The following SLC15A1 variants were observed in gnomAD, a reference collection of about 807,000 sequenced individuals.
SLC15A1 encodes the protein solute carrier family 15 member 1.
In SLC15A1, 83 loss-of-function variants were observed where a neutral mutation model predicts 92.9. The ratio of observed to expected loss-of-function variants is 0.89; its 90% CI spans 0.75 to 1.07. The LOEUF (loss-of-function observed/expected upper bound fraction) is 1.07, where lower values mean the gene tolerates loss of function less well. SLC15A1 is among the 50% of genes least tolerant of loss of function. SLC15A1 has a pLI of 0.00. For synonymous variants in SLC15A1, 322 were observed against 318.2 expected, an observed-to-expected ratio of 1.01 and a Z score of -0.13; for missense variants, 857 against 880.1, an observed-to-expected ratio of 0.97 and a Z score of 0.33.
At position 98,730,526 on chromosome 13, in the gene SLC15A1, G is replaced by GT. The variant is rs559882141; in HGVS notation, c.5-3668dup. ...GCCATGGAGTCAGCCCTGCGGCCGA[G>GT]TTTCATGCTGGGACCTGCCAGCTGC... On this transcript the variant is annotated intron_variant, in intron 1 of 22. Transcript: ENST00000376503. Among the ~76,000 whole-genome samples the GT allele has an allele frequency of 2.0e-5, 3 of 152,304 alleles. No homozygotes were observed. In the South Asian group the frequency reaches 6.2e-4, roughly 32 times the overall value.
chr13:98,719,463 GC>G, intron 7 of SLC15A1, 143 bp from the exon 8 acceptor site: 1 of 552,786 alleles, frequency 1.8e-6, no homozygotes, highest in Non-Finnish European at 3.2e-6. Context: ...TGACATAATT[GC>G]CAGCTAAGTA....
chr13:98,702,228 T>A (rs180898627), intron 18 of SLC15A1, among the ~76,000 whole-genome samples: 1 of 152,224 alleles, frequency 6.6e-6, no homozygotes, highest in African/African-American at 2.4e-5. Flanking sequence ...GTTTTTGTCA[T>A]GAATGGATGC....
intron 1 of SLC15A1, among the ~76,000 whole-genome samples, chr13:98,744,965 C>A (rs1327046262): frequency 6.6e-6 from 1 of 151,938 alleles, no homozygotes; most frequent in African/African-American, 2.4e-5. Context: ...TTTCAGTCTT[C>A]TAATTTTAGA....
chr13:98,741,101 G>T (rs1329930807), intron 1 of SLC15A1, among the ~76,000 whole-genome samples: 1 of 152,166 alleles, frequency 6.6e-6, no homozygotes, highest in Admixed American at 6.5e-5. Context: ...GATTAGAAAA[G>T]TGTGGGCTTC....
chr13:98,733,894 A>G (rs1405031566), intron 1 of SLC15A1, among the ~76,000 whole-genome samples: 1 of 152,204 alleles, frequency 6.6e-6, no homozygotes, highest in Non-Finnish European at 1.5e-5. Flanking sequence ...ATTGAATCAC[A>G]GGGGTCTAGC....
chr13:98,746,863 G>C (rs2088497006), intron 1 of SLC15A1, among the ~76,000 whole-genome samples: 1 of 152,140 alleles, frequency 6.6e-6, no homozygotes, highest in African/African-American at 2.4e-5. Flanking sequence ...TAGGAACCAG[G>C]AGAGGAACTA....
intron 18 of SLC15A1, among the ~76,000 whole-genome samples, chr13:98,690,721 G>A (rs779814949): frequency 3.9e-5 from 6 of 152,114 alleles, no homozygotes; most frequent in Non-Finnish European, 7.4e-5. Context: ...ACACCTAGAC[G>A]GTGCCACCCA....
chr13:98,688,459 T>TCGGTA lies in SLC15A1; in HGVS notation c.1574+6_1574+10dup. The TCGGTA allele has an allele frequency of 6.2e-7, 1 of 1,611,870 alleles. No individual in the cohort carries two copies. Among genetic ancestry groups the TCGGTA allele is most frequent in the Non-Finnish European group, 8.5e-7 (1 of 1,178,058 alleles). On this transcript the variant is annotated intron_variant, in intron 19 of 22. Coordinates refer to ENST00000376503, the MANE Select transcript of SLC15A1 (RefSeq NM_005073.4). ...GAACCTTTGAGTGAAGCATTCAGTC[T>TCGGTA]CGGTACTTACATGCCAGAAGGAAAA...
chr13:98,723,609 T>C lies in SLC15A1; in HGVS notation c.365+303A>G, dbSNP rs374353763. On this transcript the variant is annotated intron_variant, in intron 5 of 22. Coordinates refer to ENST00000376503, the MANE Select transcript of SLC15A1 (RefSeq NM_005073.4). ...TGAAGGATCAAGGTCTGTGGGACTT[T>C]ATATCCCTCCAGGGTAGGTCAAGAC... 9.2e-5 allele frequency among the ~76,000 whole-genome samples: 14 copies of C among 152,314 alleles called. No individual in the cohort carries two copies. In the East Asian group the frequency reaches 1.9e-3, roughly 21 times the overall value.
chr13:98,744,629 A>G (rs960036629), intron 1 of SLC15A1, among the ~76,000 whole-genome samples: 4 of 151,084 alleles, frequency 2.6e-5, no homozygotes, highest in African/African-American at 4.9e-5. Context: ...TGTGCCTGTA[A>G]TCCCAGCTAC....
chr13:98,721,785 G>T lies in SLC15A1; in HGVS notation c.465+19C>A. On this transcript the variant is annotated intron_variant, in intron 6 of 22. Transcript: ENST00000376503. ...GTGTAGTTCATTCACGTGGGCTCTG[G>T]GGAGGCCCCTACCCTTACCTGGCCC... is the stretch of plus-strand genomic sequence containing the variant. 6.2e-7 allele frequency: 1 copy of T among 1,608,314 alleles called. No homozygotes were observed. The highest frequency in any genetic ancestry group is 1.1e-5 in the South Asian group (1 of 90,774).
chr13:98,746,314 T>C (rs545206708), intron 1 of SLC15A1, among the ~76,000 whole-genome samples: 1 of 152,220 alleles, frequency 6.6e-6, no homozygotes, highest in African/African-American at 2.4e-5. Flanking sequence ...CTATTGTGAA[T>C]AGTGCTTCAG....
chr13:98,721,353 C>T, intron 7 of SLC15A1, 142 bp downstream of exon 7: 1 of 723,564 alleles, frequency 1.4e-6, no homozygotes, highest in Non-Finnish European at 2.6e-6. Context: ...GAAGCACTTA[C>T]TCCAGATTCC....
In SLC15A1 at chr13:98,707,891, T is replaced by TAAAA. The variant is rs745924829; in HGVS notation, c.1149+791_1149+794dup. ...CTAGGCGACAGAGTGAGACCCTGTT[T>TAAAA]AAAAAAAAAAAAAAAAAAAAAAAAA... On this transcript the variant is annotated intron_variant, in intron 15 of 22. Coordinates refer to ENST00000376503, the MANE Select transcript of SLC15A1 (RefSeq NM_005073.4). Among the ~76,000 whole-genome samples, 328 of 106,786 alleles carry TAAAA rather than the reference T, an allele frequency of 3.1e-3. 4 individuals are homozygous for TAAAA. Among genetic ancestry groups the TAAAA allele is most frequent in the African/African-American group, 0.012 (316 of 25,286 alleles). 70.1% of individuals were successfully genotyped at this position (106,786 alleles called of 152,430 possible). A position where few individuals can be genotyped will look rare whatever the true frequency, so the allele number is the denominator to read the frequency against.
chr13:98,714,653 CAA>C (rs11378347), intron 9 of SLC15A1, among the ~76,000 whole-genome samples: 1 of 94,364 alleles, frequency 1.1e-5, no homozygotes, highest in African/African-American at 4.2e-5. Context: ...GACTCCATCT[CAA>C]AAAAAAAAAA....
At position 98,684,579 on chromosome 13, in the gene SLC15A1, A is replaced by G; in HGVS notation, c.*145T>C. 2 of 505,866 alleles carry G rather than the reference A, an allele frequency of 4.0e-6. No homozygotes were observed. The highest frequency in any genetic ancestry group is 6.8e-6 in the Non-Finnish European group (2 of 293,376). 31.3% of individuals were successfully genotyped at this position (505,866 alleles called of 1,614,324 possible). ...AAAAAAAAAAAAAAAGAAAAGAAAA[A>G]GAAAAAAGAAAATAGCATTCATGGT... On this transcript the variant is annotated 3_prime_UTR_variant, in exon 23 of 23. Coordinates refer to ENST00000376503, the MANE Select transcript of SLC15A1 (RefSeq NM_005073.4).
intron 1 of SLC15A1, among the ~76,000 whole-genome samples, chr13:98,730,411 A>C (rs995653946): frequency 1.3e-5 from 2 of 152,130 alleles, no homozygotes; most frequent in African/African-American, 4.8e-5. Context: ...TTCTGGACAG[A>C]GATTCCTCCG....
chr13:98,721,755 T>G lies in SLC15A1; in HGVS notation c.465+49A>C. 2.6e-6 allele frequency: 4 copies of G among 1,555,240 alleles called. No individual in the cohort carries two copies. In the South Asian group the frequency reaches 3.4e-5, roughly 13 times the overall value. ...CTTTGTGCCCGTGGCCTCTGACTCCTGGATGTGTAGTTCATTCACGTGGGC... is the reference window on the plus strand; with the variant it reads ...CTTTGTGCCCGTGGCCTCTGACTCCGGGATGTGTAGTTCATTCACGTGGGC... On this transcript the variant is annotated intron_variant, in intron 6 of 22. Transcript: ENST00000376503.
At chr13:98,734,235 G>A (rs905725013) in intron 1 of SLC15A1, among the ~76,000 whole-genome samples, 2 of 152,166 alleles carry the variant, frequency 1.3e-5, no homozygotes, top group African/African-American at 2.4e-5. Flanking sequence ...AAAGTGCTGG[G>A]ATTATAGGCA....
Sources: gnomAD v4.1 joint callset for allele counts (sites outside exome capture counted in the v4.1 genomes callset) on GRCh38, gnomAD v4.1.1 for gene constraint, MANE v1.5 for transcripts, NCBI Gene and HGNC (gene_info 2026-07-23, HGNC 2026-07-21) for gene names.